Variants in GRAMD2B observed in about 807,000 individuals in gnomAD.
GRAMD2B encodes GRAM domain containing 2B.
Under a neutral mutation model 59.2 loss-of-function variants are expected in GRAMD2B, and 41 were observed. The ratio of observed to expected loss-of-function variants is 0.69; its 90% CI spans 0.54 to 0.90. GRAMD2B has a LOEUF of 0.90. Ranked by LOEUF, GRAMD2B falls within the 40% of genes least tolerant of loss-of-function variation. The pLI is 0.00. For synonymous variants in GRAMD2B, 161 were observed against 182.7 expected (o/e 0.88, Z 0.96); for missense variants, 424 against 500.5 (o/e 0.85, Z 1.46).
intron 1 of GRAMD2B, among the ~76,000 whole-genome samples, chr5:126,377,207 A>G (rs1490605015): frequency 1.3e-5 from 2 of 149,770 alleles, no homozygotes; most frequent in Non-Finnish European, 3.0e-5. Flanking sequence ...ATGCACCTGG[A>G]AGGTCTAGTT....
chr5:126,473,060 T>A lies in GRAMD2B; in HGVS notation c.383-205T>A, dbSNP rs189246769. On this transcript the variant is annotated intron_variant, in intron 4 of 13. Coordinates refer to ENST00000285689, the MANE Select transcript of GRAMD2B (RefSeq NM_023927.4). ...AGATTTGCCTTTTCATTCTGATATT[T>A]ATACTGAAGTTGGTAAGACTTTGAA... Among the ~76,000 whole-genome samples, 95 of 152,364 alleles carry A rather than the reference T, an allele frequency of 6.2e-4. No individual in the cohort carries two copies. The South Asian group carries it at 6.8e-3, about 11-fold the overall frequency.
rs1266238449 is a variant in GRAMD2B at position 126,423,412 on chromosome 5, C to A, written c.-195C>A. On this transcript the variant is annotated 5_prime_UTR_variant, in exon 1 of 14. Transcript: ENST00000285689. ...CTTTTCCACAGTGGGTCGGACCAAT[C>A]GCGCCCGCTCCGACGTGTCCAGGTC... The A allele has an allele frequency of 3.6e-6, 5 of 1,372,244 alleles. No individual in the cohort carries two copies. The highest frequency in any genetic ancestry group is 4.7e-6 in the Non-Finnish European group (5 of 1,067,784). 85.0% of individuals were successfully genotyped at this position (1,372,244 alleles called of 1,614,324 possible).
At chr5:126,390,780 G>A (rs73332462) in intron 1 of GRAMD2B, among the ~76,000 whole-genome samples, 3,070 of 152,198 alleles carry the variant, frequency 0.02, 101 homozygotes, top group African/African-American at 0.069. Context: ...TGTGCCAGAC[G>A]TCTCCTCCTA....
chr5:126,391,705 A>T (rs1756805088), intron 1 of GRAMD2B, among the ~76,000 whole-genome samples: 2 of 152,238 alleles, frequency 1.3e-5, no homozygotes, highest in African/African-American at 4.8e-5. Flanking sequence ...AAATAGGCAA[A>T]TCTATAGTGA....
intron 1 of GRAMD2B, among the ~76,000 whole-genome samples, chr5:126,434,733 G>A (rs1053145449): frequency 1.3e-5 from 2 of 152,100 alleles, no homozygotes; most frequent in African/African-American, 4.8e-5. Flanking sequence ...TAGCCAGGAT[G>A]GTCTCGATCT....
chr5:126,489,084 A>T (rs1773479155), intron 13 of GRAMD2B, among the ~76,000 whole-genome samples, 192 bp downstream of exon 13: 1 of 152,206 alleles, frequency 6.6e-6, no homozygotes, highest in African/African-American at 2.4e-5. Context: ...ATAGGTCTTA[A>T]TCTCATTTTC....
At chr5:126,404,107 A>G (rs1484912899) in intron 1 of GRAMD2B, among the ~76,000 whole-genome samples, 1 of 151,922 alleles carries the variant, frequency 6.6e-6, no homozygotes, top group Non-Finnish European at 1.5e-5. Flanking sequence ...GGAAATGCTA[A>G]TGTTAAATTC....
intron 1 of GRAMD2B, among the ~76,000 whole-genome samples, chr5:126,441,695 GTT>G: frequency 6.6e-6 from 1 of 151,522 alleles, no homozygotes; most frequent in Admixed American, 6.6e-5. Flanking sequence ...CCTGGTATAA[GTT>G]TTTTTTTGCT....
At chr5:126,449,849 G>C (rs962249287) in intron 1 of GRAMD2B, among the ~76,000 whole-genome samples, 2 of 152,154 alleles carry the variant, frequency 1.3e-5, no homozygotes, top group African/African-American at 4.8e-5. Context: ...GTCACATCCT[G>C]TGAACACCCT....
At chr5:126,484,931 C>T (rs918035123) in intron 10 of GRAMD2B, among the ~76,000 whole-genome samples, 11 of 152,260 alleles carry the variant, frequency 7.2e-5, no homozygotes, top group Admixed American at 7.2e-4. Context: ...TATTCCCTTT[C>T]CTCCCTTTGT....
At chr5:126,421,776 GT>G (rs1195216018), upstream of GRAMD2B, among the ~76,000 whole-genome samples, 1 of 152,154 alleles carries the variant, frequency 6.6e-6, no homozygotes, top group East Asian at 1.9e-4. Flanking sequence ...AATGTTTGAA[GT>G]TATTTAGAAG....
At chr5:126,371,784 G>T (rs1428514852) in intron 1 of GRAMD2B, among the ~76,000 whole-genome samples, 1 of 152,090 alleles carries the variant, frequency 6.6e-6, no homozygotes, top group African/African-American at 2.4e-5. Flanking sequence ...TTACTATGAA[G>T]GAAAAATAAT....
intron 1 of GRAMD2B, among the ~76,000 whole-genome samples, chr5:126,432,573 T>A (rs533512247): frequency 6.6e-6 from 1 of 152,340 alleles, no homozygotes; most frequent in Admixed American, 6.5e-5. Flanking sequence ...ATTGTTTCTA[T>A]AATTCATTAG....
intron 13 of GRAMD2B, among the ~76,000 whole-genome samples, chr5:126,489,560 G>T (rs1217865350): frequency 6.6e-6 from 1 of 152,160 alleles, no homozygotes; most frequent in East Asian, 1.9e-4. Context: ...TCAGCTTTAG[G>T]CTTTGTTGAT....
intron 1 of GRAMD2B, among the ~76,000 whole-genome samples, chr5:126,363,689 G>T (rs187974551): frequency 1.3e-5 from 2 of 152,248 alleles, no homozygotes; most frequent in Admixed American, 1.3e-4. Flanking sequence ...CAGATAGTAT[G>T]ATCCCATCTA....
At chr5:126,369,268 TGTTGAATG>T (rs1479976548), upstream of GRAMD2B, among the ~76,000 whole-genome samples, 2 of 91,510 alleles carry the variant, frequency 2.2e-5, no homozygotes, top group African/African-American at 4.6e-5. Context: ...AATAAATACT[TGTTGAATG>T]AATGAATGAA....
chr5:126,434,005 T>A (rs1477759940), intron 1 of GRAMD2B: 1 of 152,122 alleles, frequency 6.6e-6, no homozygotes, highest in Non-Finnish European at 1.5e-5. Context: ...CAACCTGGAG[T>A]TACTTGAAGC....
Position 126,423,684 on chromosome 5 carries a change from A to G in GRAMD2B, c.78A>G (p.Ser26=), listed in dbSNP as rs1305402308. ...VLGKRESKLG[S]AHSEAENGVE... ...GGAAGAGGGAGAGCAAACTTGGCTC[A>G]GCCCAGTGAGTATTCTCAGCTGGGA... Residue 26 remains serine, a synonymous_variant, in exon 1 of 14, where the codon TCA becomes TCG. Transcript: ENST00000285689. The G allele has an allele frequency of 1.2e-6, 2 of 1,606,562 alleles. No individual in the cohort carries two copies. The highest frequency in any genetic ancestry group is 1.7e-6 in the Non-Finnish European group (2 of 1,177,032).
At chr5:126,385,096 TGG>T (rs1399245472) in intron 1 of GRAMD2B, among the ~76,000 whole-genome samples, 4 of 152,158 alleles carry the variant, frequency 2.6e-5, no homozygotes, top group Non-Finnish European at 5.9e-5. Flanking sequence ...TGACCCTTGC[TGG>T]GAGTGCTGCT....
Sources: allele counts gnomAD v4.1 joint callset (sites outside exome capture counted in the v4.1 genomes callset), GRCh38; gene constraint gnomAD v4.1.1; transcripts MANE v1.5; gene names NCBI Gene and HGNC (gene_info 2026-07-23, HGNC 2026-07-21).